Variants in NALCN observed in about 807,000 individuals in gnomAD.
NALCN encodes the protein sodium leak channel, non-selective.
NALCN carries 111 observed loss-of-function variants against 225.3 expected under a neutral mutation model. That is an observed-to-expected ratio of 0.49 (90% CI 0.42 to 0.58). The LOEUF is 0.58. Ranked by LOEUF, NALCN falls within the 20% of genes least tolerant of loss-of-function variation. The pLI, the probability that NALCN is intolerant of heterozygous loss-of-function variation, is 0.00. For synonymous variants in NALCN, 764 were observed against 769.0 expected (o/e 0.99, Z 0.11); for missense variants, 1,378 against 2,202.4 (o/e 0.63, Z 7.49).
intron 13 of NALCN, among the ~76,000 whole-genome samples, chr13:101,207,488 T>G (rs2140062205): frequency 6.6e-6 from 1 of 152,346 alleles, no homozygotes; most frequent in East Asian, 1.9e-4. Flanking sequence ...ATTTTCTTTT[T>G]GTTCTCTACA....
At position 101,140,529 on chromosome 13, in the gene NALCN, A is replaced by C. The variant is rs755910745; in HGVS notation, c.2118+2551T>G. On this transcript the variant is annotated intron_variant, in intron 17 of 43. Coordinates refer to ENST00000251127, the MANE Select transcript of NALCN (RefSeq NM_052867.4). ...AGCTCTCTATCCTCTTCCTGGAGAT[A>C]AGTGGTCACAAGGACAGCCCAGACT... Among the ~76,000 whole-genome samples, 10 of 152,338 alleles carry C rather than the reference A, an allele frequency of 6.6e-5. No individual in the cohort carries two copies. The South Asian group carries it at 2.1e-3, about 32-fold the overall frequency.
intron 13 of NALCN, among the ~76,000 whole-genome samples, chr13:101,195,585 A>G (rs1353252244): frequency 6.6e-6 from 1 of 152,224 alleles, no homozygotes; most frequent in Non-Finnish European, 1.5e-5. Flanking sequence ...ATTTTGGTAT[A>G]AGTAATGAGA....
chr13:101,106,648 G>A (rs1195009097), intron 22 of NALCN, among the ~76,000 whole-genome samples: 1 of 152,144 alleles, frequency 6.6e-6, no homozygotes, highest in African/African-American at 2.4e-5. Flanking sequence ...TACTGTTCTT[G>A]TGGTGGTGAA....
chr13:101,378,332 G>A (rs778730822), intron 4 of NALCN, among the ~76,000 whole-genome samples: 1 of 151,934 alleles, frequency 6.6e-6, no homozygotes, highest in Non-Finnish European at 1.5e-5. Context: ...ATATCACTCA[G>A]TCCCCCATAA....
chr13:101,083,313 G>T (rs1005205642), intron 31 of NALCN, 115 bp from the exon 32 acceptor site: 14 of 871,056 alleles, frequency 1.6e-5, no homozygotes, highest in Non-Finnish European at 2.1e-5. Flanking sequence ...TCCCCAAACA[G>T]TTCCGTCTAT....
At chr13:101,294,955 C>T (rs911258697) in intron 7 of NALCN, among the ~76,000 whole-genome samples, 1 of 152,104 alleles carries the variant, frequency 6.6e-6, no homozygotes. Flanking sequence ...TGAAGCTAGA[C>T]AACCGGTTAC....
At chr13:101,190,189 C>A (rs1038803372) in intron 14 of NALCN, among the ~76,000 whole-genome samples, 1 of 152,020 alleles carries the variant, frequency 6.6e-6, no homozygotes, top group African/African-American at 2.4e-5. Context: ...GGAAAGTAAA[C>A]CATTTTGTTG....
At chr13:101,257,522 C>T (rs1181633307) in intron 11 of NALCN, among the ~76,000 whole-genome samples, 1 of 152,054 alleles carries the variant, frequency 6.6e-6, no homozygotes, top group African/African-American at 2.4e-5. Flanking sequence ...AATGTAATAA[C>T]ACTTAATTAT....
At chr13:101,143,773 G>T (rs1262512998) in intron 16 of NALCN, among the ~76,000 whole-genome samples, 1 of 152,082 alleles carries the variant, frequency 6.6e-6, no homozygotes, top group Non-Finnish European at 1.5e-5. Flanking sequence ...CCAGTTTTTT[G>T]AATCTTATTG....
intron 39 of NALCN, among the ~76,000 whole-genome samples, chr13:101,067,596 G>C (rs954317348): frequency 2.0e-5 from 3 of 152,172 alleles, no homozygotes; most frequent in Admixed American, 1.3e-4. Flanking sequence ...GTAATATACT[G>C]TCCCTTTGGT....
At chr13:101,320,230 T>G (rs559644822) in intron 7 of NALCN, among the ~76,000 whole-genome samples, 1 of 152,360 alleles carries the variant, frequency 6.6e-6, no homozygotes, top group African/African-American at 2.4e-5. Flanking sequence ...ATAAAGGATC[T>G]TAGAAAACCA....
intron 18 of NALCN, among the ~76,000 whole-genome samples, chr13:101,120,593 A>C (rs993406827): frequency 2.6e-5 from 4 of 152,180 alleles, no homozygotes; most frequent in Admixed American, 6.5e-5. Flanking sequence ...TCTGGTTAAA[A>C]ATCTGAAAGG....
At chr13:101,377,102 A>G in intron 4 of NALCN, 46 bp from the exon 5 acceptor site, 1 of 1,612,146 alleles carries the variant, frequency 6.2e-7, no homozygotes, top group Non-Finnish European at 8.5e-7. Flanking sequence ...TTCCCTTAGC[A>G]TTGCTTATAG....
intron 10 of NALCN, among the ~76,000 whole-genome samples, chr13:101,265,932 C>G (rs752419391): frequency 1.3e-5 from 2 of 152,120 alleles, no homozygotes; most frequent in Non-Finnish European, 2.9e-5. Context: ...GTACATGAAC[C>G]CTAAATCTGA....
At chr13:101,265,932 C>T (rs752419391) in intron 10 of NALCN, among the ~76,000 whole-genome samples, 18 of 152,118 alleles carry the variant, frequency 1.2e-4, no homozygotes, top group Non-Finnish European at 1.9e-4. Flanking sequence ...GTACATGAAC[C>T]CTAAATCTGA....
intron 15 of NALCN, among the ~76,000 whole-genome samples, chr13:101,165,581 C>T (rs2038399373): frequency 6.6e-6 from 1 of 152,166 alleles, no homozygotes; most frequent in Admixed American, 6.5e-5. Context: ...GCAATCCTTT[C>T]ACCTTGGCCA....
intron 9 of NALCN, among the ~76,000 whole-genome samples, chr13:101,287,597 A>G (rs1008477586): frequency 1.3e-5 from 2 of 152,230 alleles, no homozygotes; most frequent in African/African-American, 2.4e-5. Context: ...ACTAGTGCAG[A>G]TCTCAATATA....
At chr13:101,071,098 T>C (rs1034225924) in intron 37 of NALCN, among the ~76,000 whole-genome samples, 2 of 152,208 alleles carry the variant, frequency 1.3e-5, no homozygotes, top group African/African-American at 4.8e-5. Flanking sequence ...CAATTATCTC[T>C]GCCTGGTCCC....
At chr13:101,175,145 C>A (rs914951017) in intron 15 of NALCN, among the ~76,000 whole-genome samples, 1 of 152,158 alleles carries the variant, frequency 6.6e-6, no homozygotes, top group Non-Finnish European at 1.5e-5. Context: ...TCTAGCAGAG[C>A]CGGGAAGATG....
Sources: gnomAD v4.1 joint callset for allele counts (sites outside exome capture counted in the v4.1 genomes callset) on GRCh38, gnomAD v4.1.1 for gene constraint, MANE v1.5 for transcripts, NCBI Gene and HGNC (gene_info 2026-07-23, HGNC 2026-07-21) for gene names.